The following NMT1 variants were observed in gnomAD, a reference collection of about 807,000 sequenced individuals.
NMT1 encodes the protein N-myristoyltransferase 1, also known as glycylpeptide N-tetradecanoyltransferase 1.
Under a neutral mutation model 63.4 loss-of-function variants are expected in NMT1, and 12 were observed. The observed-to-expected ratio is 0.19, with a 90% CI of 0.12 to 0.31. The LOEUF (loss-of-function observed/expected upper bound fraction) is 0.31. Among genes scored for constraint, NMT1 ranks in the 10% least tolerant of loss-of-function variants. NMT1 has a pLI of 1.00. For missense variants in NMT1, 432 were observed against 634.6 expected (o/e 0.68, Z 3.43); for synonymous variants, 228 against 234.3 (o/e 0.97, Z 0.25).
intron 1 of NMT1, among the ~76,000 whole-genome samples, chr17:45,073,256 T>A (rs182300743): frequency 6.6e-6 from 1 of 151,982 alleles, no homozygotes; most frequent in African/African-American, 2.4e-5. Flanking sequence ...CTGTCTCTAC[T>A]AAAAATACAA....
At chr17:45,102,906 G>C (rs768500651) in intron 8 of NMT1, 45 bp from the exon 9 acceptor site, 4 of 1,559,536 alleles carry the variant, frequency 2.6e-6, no homozygotes, top group Admixed American at 1.8e-5. Context: ...GATAGATCCA[G>C]GGTGATCAGC....
Position 45,103,729 on chromosome 17 carries a change from A to G in NMT1, c.1185A>G (p.Thr395=), listed in dbSNP as rs771817702. 5.5e-5 allele frequency: 89 copies of G among 1,613,446 alleles called. No homozygotes were observed. Among genetic ancestry groups the G allele is most frequent in the Non-Finnish European group, 7.4e-5 (87 of 1,179,672 alleles). ...FVVENANGEV[T]DFLSFYTLPS... is the part of the protein sequence containing the mutation. Reference sequence around the variant, plus strand: ...TTCAGAACGCAAACGGAGAGGTGACAGATTTCCTGAGCTTTTATACGCTGC... The same window carrying G: ...TTCAGAACGCAAACGGAGAGGTGACGGATTTCCTGAGCTTTTATACGCTGC... The change falls in exon 10 of 12, where the codon ACA becomes ACG. Residue 395 remains threonine, a synonymous_variant. Transcript: ENST00000258960. This position sits in a 1 kb window ranked among gnomAD's most constrained non-coding sequence, Gnocchi z 4.8.
chr17:45,093,929 C>T, intron 4 of NMT1, 126 bp downstream of exon 4: 1 of 691,720 alleles, frequency 1.4e-6, no homozygotes, highest in Middle Eastern at 4.1e-4. Context: ...TGAACAGACT[C>T]CCGTCTGTAA....
intron 4 of NMT1, among the ~76,000 whole-genome samples, chr17:45,094,190 C>T (rs920021709): frequency 1.3e-5 from 2 of 151,984 alleles, no homozygotes; most frequent in Admixed American, 1.3e-4. Context: ...ATTTATTTCC[C>T]TTATAAAGAA....
chr17:45,088,481 G>A (rs1325302495), intron 3 of NMT1, among the ~76,000 whole-genome samples: 1 of 152,190 alleles, frequency 6.6e-6, no homozygotes, highest in Non-Finnish European at 1.5e-5. Context: ...GAGGCTGGGC[G>A]CAGTGGCTCA....
intron 1 of NMT1, among the ~76,000 whole-genome samples, chr17:45,079,053 C>T (rs1356267881): frequency 6.6e-6 from 1 of 151,984 alleles, no homozygotes; most frequent in East Asian, 1.9e-4. Flanking sequence ...TCACTGTACT[C>T]AGGTTGGACT....
chr17:45,096,084 C>T lies in NMT1; in HGVS notation c.505-110C>T. 9 of 774,326 alleles carry T rather than the reference C, an allele frequency of 1.2e-5. 1 individual carries two copies. Among genetic ancestry groups the T allele is most frequent in the South Asian group, 6.1e-5 (4 of 65,200 alleles). 48.0% of individuals were successfully genotyped at this position (774,326 alleles called of 1,614,324 possible). A position where few individuals can be genotyped will look rare whatever the true frequency, so the allele number is the denominator to read the frequency against. On this transcript the variant is annotated intron_variant, in intron 4 of 11. Coordinates refer to ENST00000258960, the MANE Select transcript of NMT1 (RefSeq NM_021079.5). Reference sequence around the variant, plus strand: ...CAGAAGGATTTGTGAGACTCCACGTCGTTTTTGGTAGTTTGCTTCATCCTT... The same window carrying T: ...CAGAAGGATTTGTGAGACTCCACGTTGTTTTTGGTAGTTTGCTTCATCCTT...
In NMT1 at chr17:45,067,218, A is replaced by G. The variant is rs574714630; in HGVS notation, c.131+5758A>G. 3.9e-5 allele frequency among the ~76,000 whole-genome samples: 6 copies of G among 152,072 alleles called. No homozygotes were observed. The East Asian group carries it at 1.2e-3, about 29-fold the overall frequency. ...TTTCCAAGAAGTATTGCCAAAGAAT[A>G]AATCTCATCAGTTGGCAGATTTTAA... is the stretch of plus-strand genomic sequence containing the variant. On this transcript the variant is annotated intron_variant, in intron 1 of 11. Transcript: ENST00000258960.
At chr17:45,076,341 A>G (rs1160747080) in intron 1 of NMT1, among the ~76,000 whole-genome samples, 3 of 151,624 alleles carry the variant, frequency 2.0e-5, no homozygotes, top group Non-Finnish European at 4.4e-5. Flanking sequence ...GTTTTGCTGA[A>G]TTGGTTGTCT....
intron 3 of NMT1, 62 bp from the exon 4 acceptor site, chr17:45,093,623 C>T: frequency 7.1e-7 from 1 of 1,406,760 alleles, no homozygotes; most frequent in Non-Finnish European, 1.0e-6. Flanking sequence ...GAGTTTTGAA[C>T]TGAGCCCTTT....
At chr17:45,099,335 T>A in intron 7 of NMT1, 70 bp from the exon 8 acceptor site, 1 of 1,062,436 alleles carries the variant, frequency 9.4e-7, no homozygotes. Context: ...CCAGCTGGGG[T>A]CTCCCTGCCA....
Position 45,086,512 on chromosome 17 carries a change from A to G in NMT1, c.245A>G (p.Asn82Ser). 1 of 1,606,570 alleles carries G rather than the reference A, an allele frequency of 6.2e-7. No individual in the cohort carries two copies. Among genetic ancestry groups the G allele is most frequent in the South Asian group, 1.1e-5 (1 of 90,020 alleles). The change falls in exon 3 of 12, where the codon AAC (asparagine) becomes AGC (serine). Residue 82 changes from asparagine to serine, a missense_variant. Asn to Ser is a conservative substitution (Grantham distance 46, BLOSUM62 1). Around this residue, in one of 4 missense-constraint regions of NMT1, gnomAD observed 121 missense variants for 103.7 expected, o/e 1.17. Transcript: ENST00000258960. ...CCCCAACTTTGTCTTGTCCAGATGA[A>G]CTCTTTGCCAGCAGAGAGGATCCAG... ...DSAQDQPVKM[N>S]SLPAERIQEI... is the part of the protein sequence containing the mutation.
intron 1 of NMT1, among the ~76,000 whole-genome samples, chr17:45,079,961 A>G (rs7215357): frequency 0.56 from 85,678 of 151,900 alleles, 24,647 homozygotes; most frequent in African/African-American, 0.61. Context: ...GCCTCCCAAA[A>G]TACTGGGATT....
chr17:45,104,841 G>A lies in NMT1; in HGVS notation c.1333-18G>A. The A allele has an allele frequency of 6.2e-7, 1 of 1,614,084 alleles. No individual in the cohort carries two copies. The highest frequency in any genetic ancestry group is 8.5e-7 in the Non-Finnish European group (1 of 1,179,944). ...CACCTGTCCTCACCTGTTCTTGTTTGTCCCTGCTGCTTTGCAGAAAGGGTT... is the reference window on the plus strand; with the variant it reads ...CACCTGTCCTCACCTGTTCTTGTTTATCCCTGCTGCTTTGCAGAAAGGGTT... On this transcript the variant is annotated intron_variant, in intron 10 of 11. Transcript: ENST00000258960. The surrounding 1 kb of genome is among the most constrained non-coding windows in gnomAD (Gnocchi z 4.2).
intron 2 of NMT1, among the ~76,000 whole-genome samples, chr17:45,086,124 C>CTTT (rs758394346): frequency 0.053 from 6,180 of 117,418 alleles, 217 homozygotes; most frequent in East Asian, 0.096. Context: ...GCCCAGCACT[C>CTTT]TTTTTTTTTT....
chr17:45,061,526 G>GA (rs2053857794), intron 1 of NMT1, 66 bp downstream of exon 1: 1 of 1,462,612 alleles, frequency 6.8e-7, no homozygotes, highest in Non-Finnish European at 9.4e-7. Context: ...GGGGTGCGGG[G>GA]AAGTCACCGG....
chr17:45,070,694 GGC>G (rs934705505), intron 1 of NMT1, among the ~76,000 whole-genome samples: 5 of 152,164 alleles, frequency 3.3e-5, no homozygotes, highest in African/African-American at 4.8e-5. Context: ...TGGAATTACA[GGC>G]GTGAGCCACC....
intron 4 of NMT1, among the ~76,000 whole-genome samples, chr17:45,094,420 G>C (rs1276429155): frequency 6.6e-6 from 1 of 151,238 alleles, no homozygotes; most frequent in African/African-American, 2.4e-5. Context: ...GTGAACCTGG[G>C]AGGGGGATGT....
chr17:45,062,230 G>A (rs923167156), intron 1 of NMT1, among the ~76,000 whole-genome samples: 1 of 152,264 alleles, frequency 6.6e-6, no homozygotes. Flanking sequence ...TGTTCCTAGG[G>A]ATGAAGAAAC....
Sources: allele counts gnomAD v4.1 joint callset (sites outside exome capture counted in the v4.1 genomes callset), GRCh38; gene constraint gnomAD v4.1.1; regional missense constraint gnomAD v4.1.1; non-coding constraint Gnocchi (gnomAD v3.1); transcripts MANE v1.5; gene names NCBI Gene and HGNC (gene_info 2026-07-23, HGNC 2026-07-21).